Variants in SLFN14 observed in about 807,000 individuals in gnomAD.
The protein encoded by SLFN14 is protein SLFN14.
SLFN14 carries 47 observed loss-of-function variants against 58.6 expected under a neutral mutation model. That is an observed-to-expected ratio of 0.80 (90% CI 0.64 to 1.02). SLFN14 has a LOEUF of 1.02. Among genes scored for constraint, SLFN14 ranks in the 50% least tolerant of loss-of-function variants. SLFN14 has a pLI of 0.00. For synonymous variants in SLFN14, 390 were observed against 387.3 expected (o/e 1.01, Z -0.08); for missense variants, 967 against 1,078.4 (o/e 0.90, Z 1.45).
intron 5 of SLFN14, among the ~76,000 whole-genome samples, chr17:35,549,358 T>C (rs1427088321): frequency 6.6e-6 from 1 of 152,254 alleles, no homozygotes; most frequent in Non-Finnish European, 1.5e-5. Context: ...CCATTCCTAC[T>C]GTTTGGCAAT....
At position 35,545,061 on chromosome 17, in the gene SLFN14, G is replaced by A. The variant is rs1378854962; in HGVS notation, c.*3178C>T. On this transcript the variant is annotated 3_prime_UTR_variant, in exon 6 of 6. Coordinates refer to ENST00000674182, the MANE Select transcript of SLFN14 (RefSeq NM_001129820.2). Reference sequence around the variant, plus strand: ...AGTCCATTATTCTTAGTCCCCACCAGTTCCTAATCTTACATTTGAATCTAA... The same window carrying A: ...AGTCCATTATTCTTAGTCCCCACCAATTCCTAATCTTACATTTGAATCTAA... Among the ~76,000 whole-genome samples, 1 of 152,138 alleles carries A rather than the reference G, an allele frequency of 6.6e-6. No individual in the cohort carries two copies. Among genetic ancestry groups the A allele is most frequent in the Non-Finnish European group, 1.5e-5 (1 of 68,028 alleles).
rs1004255308 is a variant in SLFN14 at position 35,545,963 on chromosome 17, C to T, written c.*2276G>A. Among the ~76,000 whole-genome samples, 4 of 152,154 alleles carry T rather than the reference C, an allele frequency of 2.6e-5. No homozygotes were observed. The highest frequency in any genetic ancestry group is 4.4e-5 in the Non-Finnish European group (3 of 68,038). On this transcript the variant is annotated 3_prime_UTR_variant, in exon 6 of 6. Coordinates refer to ENST00000674182, the MANE Select transcript of SLFN14 (RefSeq NM_001129820.2). ...ATCACTGAGTTAGTTATTCTACTTTCATCCTGATTGAATTGTTTCACTAGA... is the reference window on the plus strand; with the variant it reads ...ATCACTGAGTTAGTTATTCTACTTTTATCCTGATTGAATTGTTTCACTAGA...
Position 35,546,454 on chromosome 17 carries a change from C to T in SLFN14, c.*1785G>A, listed in dbSNP as rs2072535411. Among the ~76,000 whole-genome samples the T allele has an allele frequency of 6.6e-6, 1 of 152,234 alleles. No homozygotes were observed. Among genetic ancestry groups the T allele is most frequent in the South Asian group, 2.1e-4 (1 of 4,828 alleles). On this transcript the variant is annotated 3_prime_UTR_variant, in exon 6 of 6. Coordinates refer to ENST00000674182, the MANE Select transcript of SLFN14 (RefSeq NM_001129820.2). ...AGAGAGCTTCTCGAAACCCTGCCTG[C>T]TCTTCCACCTCTTGGAAGGCTGAGG...
At chr17:35,550,694 A>G (rs553624459) in intron 5 of SLFN14, among the ~76,000 whole-genome samples, 1 of 152,344 alleles carries the variant, frequency 6.6e-6, no homozygotes, top group South Asian at 2.1e-4. Flanking sequence ...AACAGTGCTC[A>G]AAAAGATTTA....
Position 35,548,359 on chromosome 17 carries a change from C to T in SLFN14, c.2619G>A (p.Arg873=), listed in dbSNP as rs1157181992. 1 of 1,551,712 alleles carries T rather than the reference C, an allele frequency of 6.4e-7. No homozygotes were observed. The highest frequency in any genetic ancestry group is 2.0e-5 in the Admixed American group (1 of 50,994). Residue 873 remains arginine (R), a synonymous_variant, in exon 6 of 6, where the codon AGG becomes AGA. Transcript: ENST00000674182. ...DSIQQFSGLE[R]TVVFGLSPEC... ...CTGGACTAAGCCCAAACACGACAGTCCTCTCCAGGCCTGAAAATTGCTGAA... is the reference window on the plus strand; with the variant it reads ...CTGGACTAAGCCCAAACACGACAGTTCTCTCCAGGCCTGAAAATTGCTGAA...
chr17:35,558,185 T>A (rs897852893), intron 2 of SLFN14, 79 bp from the exon 3 acceptor site: 4 of 830,770 alleles, frequency 4.8e-6, no homozygotes, highest in African/African-American at 1.7e-5. Context: ...AACTATCAAT[T>A]ACTGGAGATA....
rs114140847 is a variant in SLFN14 at position 35,544,184 on chromosome 17, A to C, written c.*4055T>G. On this transcript the variant is annotated 3_prime_UTR_variant, in exon 6 of 6. Coordinates refer to ENST00000674182, the MANE Select transcript of SLFN14 (RefSeq NM_001129820.2). Reference sequence around the variant, plus strand: ...AGCAGAAACCCGAGAGAGTAAACCCAATGCTGAAAGTCCATGTACAGCCTC... The same window carrying C: ...AGCAGAAACCCGAGAGAGTAAACCCCATGCTGAAAGTCCATGTACAGCCTC... Among the ~76,000 whole-genome samples, 778 of 152,302 alleles carry C rather than the reference A, an allele frequency of 5.1e-3. 6 individuals are homozygous for C. The highest frequency in any genetic ancestry group is 0.018 in the African/African-American group (743 of 41,560).
intron 5 of SLFN14, 116 bp downstream of exon 5, chr17:35,552,614 G>A (rs556175485): frequency 2.2e-5 from 7 of 311,314 alleles, no homozygotes; most frequent in South Asian, 2.6e-4. Flanking sequence ...ATATATATGT[G>A]TATATATATA....
intron 5 of SLFN14, among the ~76,000 whole-genome samples, chr17:35,550,612 GT>G (rs549036650): frequency 2.3e-3 from 346 of 151,926 alleles, no homozygotes; most frequent in African/African-American, 7.8e-3. Flanking sequence ...TACTCACATT[GT>G]TTTTTTTATG....
chr17:35,553,178 G>T lies in SLFN14; in HGVS notation c.1456C>A (p.Arg486=). The T allele has an allele frequency of 6.4e-7, 1 of 1,551,574 alleles. No individual in the cohort carries two copies. Among genetic ancestry groups the T allele is most frequent in the African/African-American group, 1.4e-5 (1 of 73,092 alleles). The change falls in exon 5 of 6, where the codon CGA becomes AGA. Residue 486 remains arginine (R), a synonymous_variant. Coordinates refer to ENST00000674182, the MANE Select transcript of SLFN14 (RefSeq NM_001129820.2). The stretch of plus-strand genomic sequence containing the variant: ...TGCTTTAACTGATGAGCTGTGTTTC[G>T]GGCATATTCAAGTCCTCCAGGCCAA... The part of the protein sequence containing the change: ...PNWPGGLEYA[R]NTAHQLKQKL...
At chr17:35,555,801 G>T (rs2072647003) in intron 3 of SLFN14, among the ~76,000 whole-genome samples, 1 of 152,124 alleles carries the variant, frequency 6.6e-6, no homozygotes, top group Admixed American at 6.5e-5. Flanking sequence ...AATCACCAAG[G>T]CTGATTCCAA....
Position 35,557,038 on chromosome 17 carries a change from T to C in SLFN14, c.1025A>G (p.Glu342Gly), listed in dbSNP as rs1052775415. 48 of 1,551,514 alleles carry C rather than the reference T, an allele frequency of 3.1e-5. No individual in the cohort carries two copies. The highest frequency in any genetic ancestry group is 4.1e-5 in the Non-Finnish European group (47 of 1,146,978). The change falls in exon 3 of 6, where the codon GAG becomes GGG. Residue 342 changes from glutamate (E) to glycine (G), a missense_variant. Physicochemically the swap from Glu to Gly is moderately conservative, Grantham distance 98 (BLOSUM62 -2). Coordinates refer to ENST00000674182, the MANE Select transcript of SLFN14 (RefSeq NM_001129820.2). ...KDNSVTRLTA[E>G]QWVVMMLDTQ... Reference sequence around the variant, plus strand: ...ATCCAGCATCATGACCACCCACTGCTCAGCTGTCAGCCGTGTGACAGAATT... The same window carrying C: ...ATCCAGCATCATGACCACCCACTGCCCAGCTGTCAGCCGTGTGACAGAATT...
chr17:35,547,860 T>C lies in SLFN14; in HGVS notation c.*379A>G, dbSNP rs1398997125. Among the ~76,000 whole-genome samples, 1 of 152,192 alleles carries C rather than the reference T, an allele frequency of 6.6e-6. No individual in the cohort carries two copies. Among genetic ancestry groups the C allele is most frequent in the African/African-American group, 2.4e-5 (1 of 41,452 alleles). On this transcript the variant is annotated 3_prime_UTR_variant, in exon 6 of 6. Coordinates refer to ENST00000674182, the MANE Select transcript of SLFN14 (RefSeq NM_001129820.2). ...GGGAGAGCAAGTCAGGGCATATTAA[T>C]GAAAGCCTTGAAAATTGGTTAGGTT...
In SLFN14 at chr17:35,552,712, A is replaced by C. The variant is rs1394571318; in HGVS notation, c.1904+18T>G. ...CACATACATATTTTTGTGTGTGTGT[A>C]GTTGGTAAAACTCTTACGTCACAAA... On this transcript the variant is annotated intron_variant, in intron 5 of 5. Transcript: ENST00000674182. 4.0e-6 allele frequency: 6 copies of C among 1,513,564 alleles called. No homozygotes were observed. Among genetic ancestry groups the C allele is most frequent in the Non-Finnish European group, 5.3e-6 (6 of 1,124,382 alleles). The allele number at this position is 1,513,564 out of a possible 1,614,324, so 93.8% of individuals were successfully genotyped here. A position where few individuals can be genotyped will look rare whatever the true frequency, so the allele number is the denominator to read the frequency against.
At chr17:35,552,645 T>G in intron 5 of SLFN14, 85 bp downstream of exon 5, 1 of 469,538 alleles carries the variant, frequency 2.1e-6, no homozygotes, top group Non-Finnish European at 3.4e-6. Context: ...TACATATATA[T>G]ATACACATAT....
intron 3 of SLFN14, 147 bp downstream of exon 3, chr17:35,556,856 G>T: frequency 1.3e-6 from 1 of 769,964 alleles, no homozygotes; most frequent in South Asian, 2.2e-5. Flanking sequence ...AACTAAAAAT[G>T]TTAGATAAGG....
intron 3 of SLFN14, 43 bp downstream of exon 3, chr17:35,556,960 G>C: frequency 2.0e-6 from 3 of 1,482,154 alleles, no homozygotes; most frequent in Non-Finnish European, 2.7e-6. Flanking sequence ...AGAGAAAGGG[G>C]TTCCTCCCTG....
Position 35,548,188 on chromosome 17 carries a change from A to G in SLFN14, c.*51T>C. 1 of 1,488,222 alleles carries G rather than the reference A, an allele frequency of 6.7e-7. No homozygotes were observed. Among genetic ancestry groups the G allele is most frequent in the Non-Finnish European group, 9.1e-7 (1 of 1,102,208 alleles). 92.2% of individuals were successfully genotyped at this position (1,488,222 alleles called of 1,614,324 possible). A position where few individuals can be genotyped will look rare whatever the true frequency, so the allele number is the denominator to read the frequency against. ...AAAATGGAGTCACTGCTACCTGTCT[A>G]GGAGAAAGGACTCTGCTCTTCCTGT... On this transcript the variant is annotated 3_prime_UTR_variant, in exon 6 of 6. Transcript: ENST00000674182.
Position 35,548,008 on chromosome 17 carries a change from G to T in SLFN14, c.*231C>A. ...TTGAGTGGGAAAGCTGGAGACAGGG[G>T]ACTAATGAAGTCTATTGTAATTGTA... is the stretch of plus-strand genomic sequence containing the variant. On this transcript the variant is annotated 3_prime_UTR_variant, in exon 6 of 6. Transcript: ENST00000674182. 1.9e-6 allele frequency: 1 copy of T among 537,224 alleles called. No individual in the cohort carries two copies. Among genetic ancestry groups the T allele is most frequent in the Non-Finnish European group, 3.3e-6 (1 of 301,536 alleles). The allele number at this position is 537,224 out of a possible 1,614,324, so 33.3% of individuals were successfully genotyped here. A position where few individuals can be genotyped will look rare whatever the true frequency, so the allele number is the denominator to read the frequency against.
Sources: allele counts gnomAD v4.1 joint callset (sites outside exome capture counted in the v4.1 genomes callset), GRCh38; gene constraint gnomAD v4.1.1; transcripts MANE v1.5; gene names NCBI Gene and HGNC (gene_info 2026-07-23, HGNC 2026-07-21).